Variants in RGS6 observed in about 807,000 individuals in gnomAD.
The protein encoded by RGS6 is regulator of G-protein signaling 6.
In RGS6, 30 loss-of-function variants were observed where a neutral mutation model predicts 78.5. The observed-to-expected ratio is 0.38, with a 90% CI of 0.29 to 0.52. RGS6 has a LOEUF of 0.52. Ranked by LOEUF, RGS6 falls within the 20% of genes least tolerant of loss-of-function variation. The pLI is 0.85. For synonymous variants in RGS6, 206 were observed against 206.0 expected, an observed-to-expected ratio of 1.00 and a Z score of 0.00; for missense variants, 495 against 609.7, an observed-to-expected ratio of 0.81 and a Z score of 1.98.
intron 2 of RGS6, among the ~76,000 whole-genome samples, chr14:72,264,148 G>C (rs563501654): frequency 6.6e-6 from 1 of 152,206 alleles, no homozygotes; most frequent in South Asian, 2.1e-4. Flanking sequence ...TACGAGAAAG[G>C]TTTGTTCTCA....
chr14:72,519,281 A>G (rs1453539885), intron 15 of RGS6, among the ~76,000 whole-genome samples: 2 of 152,328 alleles, frequency 1.3e-5, no homozygotes, highest in East Asian at 1.9e-4. Flanking sequence ...TGCCATTTCT[A>G]AAAATAAGCA....
chr14:72,135,240 A>G (rs1156382793), intron 2 of RGS6, among the ~76,000 whole-genome samples: 3 of 152,106 alleles, frequency 2.0e-5, no homozygotes, highest in Non-Finnish European at 2.9e-5. Flanking sequence ...TGGTCACAAA[A>G]ACCTTGGTCT....
intron 1 of RGS6, among the ~76,000 whole-genome samples, chr14:71,948,094 T>G (rs143661354): frequency 1.3e-5 from 2 of 152,350 alleles, no homozygotes; most frequent in East Asian, 3.9e-4. Flanking sequence ...GGGACTTAGA[T>G]GATGTGGTCA....
intron 3 of RGS6, among the ~76,000 whole-genome samples, chr14:72,371,084 A>C (rs1428588466): frequency 1.3e-5 from 2 of 152,236 alleles, no homozygotes; most frequent in East Asian, 3.9e-4. Flanking sequence ...GCCAACTCTG[A>C]AAATGACAGT....
chr14:71,948,719 A>G (rs1239880164), intron 1 of RGS6, among the ~76,000 whole-genome samples: 2 of 103,736 alleles, frequency 1.9e-5, no homozygotes, highest in African/African-American at 3.7e-5. Flanking sequence ...TGCTAAGCTG[A>G]TTTCCTTTCT....
At chr14:72,395,100 G>A (rs915367091) in intron 3 of RGS6, among the ~76,000 whole-genome samples, 3 of 152,018 alleles carry the variant, frequency 2.0e-5, no homozygotes, top group Non-Finnish European at 2.9e-5. Context: ...TGATATTCTG[G>A]CATCTACTTT....
chr14:72,485,025 A>G (rs1218091838), intron 12 of RGS6, among the ~76,000 whole-genome samples: 2 of 149,806 alleles, frequency 1.3e-5, no homozygotes, highest in African/African-American at 4.9e-5. Context: ...CTCAAGACCC[A>G]GTTCAAAGCC....
intron 17 of RGS6, chr14:72,547,369 T>G: frequency 6.5e-7 from 1 of 1,529,262 alleles, no homozygotes; most frequent in African/African-American, 1.4e-5. Flanking sequence ...GGCTAAGAAG[T>G]AAGACCCCCC....
At chr14:72,390,293 T>G (rs898484057) in intron 3 of RGS6, among the ~76,000 whole-genome samples, 1 of 152,098 alleles carries the variant, frequency 6.6e-6, no homozygotes, top group Non-Finnish European at 1.5e-5. Context: ...AGACGGGGTT[T>G]TGCCATGTTG....
At chr14:72,561,313 G>A (rs941039601) in intron 17 of RGS6, among the ~76,000 whole-genome samples, 26 of 152,314 alleles carry the variant, frequency 1.7e-4, no homozygotes, top group Admixed American at 1.2e-3. Context: ...CCATGCTGAC[G>A]AGCTATCACG....
At chr14:72,149,607 A>G (rs1321787505) in intron 2 of RGS6, among the ~76,000 whole-genome samples, 2 of 152,210 alleles carry the variant, frequency 1.3e-5, no homozygotes, top group Non-Finnish European at 2.9e-5. Context: ...CCTGAAACCC[A>G]TTATTTTGAA....
At chr14:72,557,808 T>C (rs2153546445) in intron 17 of RGS6, among the ~76,000 whole-genome samples, 1 of 152,282 alleles carries the variant, frequency 6.6e-6, no homozygotes, top group South Asian at 2.1e-4. Flanking sequence ...CTAGAAATAG[T>C]GTTCCACATT....
rs147215712 is a variant in RGS6 at position 71,939,280 on chromosome 14, C to T, written c.-21+6339C>T. Among the ~76,000 whole-genome samples the T allele has an allele frequency of 3.0e-3, 462 of 152,302 alleles. 1 individual carries two copies. Among genetic ancestry groups the T allele is most frequent in the African/African-American group, 7.2e-3 (298 of 41,568 alleles). Reference sequence around the variant, plus strand: ...CAACAGGCCCCACACCACTGGACCCCTAGAAATTTTATTGGGGTAGAAGGT... The same window carrying T: ...CAACAGGCCCCACACCACTGGACCCTTAGAAATTTTATTGGGGTAGAAGGT... On this transcript the variant is annotated intron_variant, in intron 1 of 17. Transcript: ENST00000553525.
Position 72,476,802 on chromosome 14 carries a change from C to G in RGS6, c.754C>G (p.Pro252Ala). The change falls in exon 11 of 18, where the codon CCA becomes GCA. Residue 252 changes from proline to alanine, a missense_variant. Pro to Ala is a conservative substitution (Grantham distance 27). Coordinates refer to ENST00000553525, the MANE Select transcript of RGS6 (RefSeq NM_001204424.2). ...AQSPVHVLSQ[P>A]IRKTTKEDIR... ...GAGCCCGGTGCATGTACTCAGCCAA[C>G]CAATCAGGAAAACAACAAAAGAGGA... is the stretch of plus-strand genomic sequence containing the variant. The G allele has an allele frequency of 6.2e-7, 1 of 1,614,146 alleles. No individual in the cohort carries two copies. Among genetic ancestry groups the G allele is most frequent in the Non-Finnish European group, 8.5e-7 (1 of 1,180,010 alleles).
At chr14:71,884,162 C>T in the RGS6 span, among the ~76,000 whole-genome samples, 10 of 152,316 alleles carry the variant, frequency 6.6e-5, no homozygotes, top group African/African-American at 2.4e-4. Context: ...GTTCTGCCTT[C>T]ATCTCTCCCA....
At chr14:72,054,823 C>T (rs77526645) in intron 2 of RGS6, among the ~76,000 whole-genome samples, 2 of 151,986 alleles carry the variant, frequency 1.3e-5, no homozygotes, top group Admixed American at 1.3e-4. Context: ...TTAAGCAATA[C>T]ATTGTTTCAT....
At chr14:72,584,775 A>G in the RGS6 span, among the ~76,000 whole-genome samples, 1 of 152,320 alleles carries the variant, frequency 6.6e-6, no homozygotes, top group African/African-American at 2.4e-5. Flanking sequence ...AATTATCAGA[A>G]GGATTCACAC....
chr14:72,612,942 C>G, the RGS6 span, among the ~76,000 whole-genome samples: 3 of 151,354 alleles, frequency 2.0e-5, no homozygotes, highest in South Asian at 2.1e-4. Flanking sequence ...CCTGGCTCTC[C>G]CTCTTGTCCT....
At chr14:72,537,749 A>C (rs1462690835) in intron 16 of RGS6, 11 of 587,924 alleles carry the variant, frequency 1.9e-5, no homozygotes, top group Non-Finnish European at 3.3e-5. Context: ...GTGGCTCAAG[A>C]CCCCTGATCT....
Sources: gnomAD v4.1 joint callset for allele counts (sites outside exome capture counted in the v4.1 genomes callset) on GRCh38, gnomAD v4.1.1 for gene constraint, MANE v1.5 for transcripts, NCBI Gene and HGNC (gene_info 2026-07-23, HGNC 2026-07-21) for gene names.